RPL37A: variants seen among roughly 807,000 people sequenced by gnomAD.
RPL37A encodes the protein large ribosomal subunit protein eL43.
Under a neutral mutation model 13.6 loss-of-function variants are expected in RPL37A, and 5 were observed. That is an observed-to-expected ratio of 0.37 (90% CI 0.19 to 0.78). RPL37A has a LOEUF of 0.78. Among genes scored for constraint, RPL37A ranks in the 30% least tolerant of loss-of-function variants. RPL37A has a pLI of 0.49. For missense variants in RPL37A, 77 were observed against 120.0 expected, an observed-to-expected ratio of 0.64 and a Z score of 1.67; for synonymous variants, 50 against 44.4, an observed-to-expected ratio of 1.13 and a Z score of -0.50.
rs137960636 is a variant in RPL37A at position 216,499,290 on chromosome 2, C to T, written c.24C>T (p.Val8=). 0.03 allele frequency: 48,967 copies of T among 1,613,130 alleles called. 926 individuals carry two copies. Among genetic ancestry groups the T allele is most frequent in the Middle Eastern group, 0.077 (413 of 5,348 alleles). The change falls in exon 2 of 4, where the codon GTC becomes GTT. Residue 8 remains valine (V), a synonymous_variant. Coordinates refer to ENST00000491306, the MANE Select transcript of RPL37A (RefSeq NM_000998.5). MAKRTKK[V]GIVGKYGTRY... ...AACAGGCCAAACGTACCAAGAAAGT[C>T]GGGATCGTCGGTAAATACGGGACCC...
intron 2 of RPL37A, 193 bp from the exon 3 acceptor site, chr2:216,499,756 G>A: frequency 1.4e-6 from 1 of 707,368 alleles, no homozygotes; most frequent in Non-Finnish European, 2.6e-6. Context: ...GTTCTGCGAG[G>A]GATTTTTGTT....
At position 216,501,323 on chromosome 2, in the gene RPL37A, C is replaced by T. The variant is rs1553536872; in HGVS notation, c.216-18C>T. The T allele has an allele frequency of 6.2e-7, 1 of 1,606,958 alleles. No homozygotes were observed. The highest frequency in any genetic ancestry group is 8.5e-7 in the Non-Finnish European group (1 of 1,174,774). On this transcript the variant is annotated intron_variant, in intron 3 of 3. Coordinates refer to ENST00000491306, the MANE Select transcript of RPL37A (RefSeq NM_000998.5). ...TTAACATGCTTAATTATGTTGGAAA[C>T]TGAATCTTTCTTTCCAGTACCACTT...
At chr2:216,499,496 G>T in intron 2 of RPL37A, 98 bp downstream of exon 2, 1 of 1,425,898 alleles carries the variant, frequency 7.0e-7, no homozygotes, top group Non-Finnish European at 9.5e-7. Flanking sequence ...GTGTGCTGGT[G>T]GGCAGTTGGA....
rs1421632391 is a variant in RPL37A at position 216,501,903 on chromosome 2, A to T, written c.*499A>T. 6.5e-6 allele frequency: 1 copy of T among 154,144 alleles called. No homozygotes were observed. 9.5% of individuals were successfully genotyped at this position (154,144 alleles called of 1,614,324 possible). A position where few individuals can be genotyped will look rare whatever the true frequency, so the allele number is the denominator to read the frequency against. On this transcript the variant is annotated 3_prime_UTR_variant, in exon 4 of 4. Transcript: ENST00000491306. ...TGGCTAATTTTTGTATTTTGAGTAGAGATGGAGTTTTCACCACATTGGCCA... is the reference window on the plus strand; with the variant it reads ...TGGCTAATTTTTGTATTTTGAGTAGTGATGGAGTTTTCACCACATTGGCCA...
intron 1 of RPL37A, 122 bp from the exon 2 acceptor site, chr2:216,499,148 C>G: frequency 3.8e-6 from 5 of 1,308,630 alleles, no homozygotes; most frequent in Non-Finnish European, 5.3e-6. Flanking sequence ...TTAGGGAAAA[C>G]TAGGTCATAT....
intron 2 of RPL37A, 181 bp downstream of exon 2, chr2:216,499,579 T>A (rs949281495): frequency 2.5e-6 from 2 of 806,590 alleles, no homozygotes; most frequent in African/African-American, 1.7e-5. Context: ...TGAGACGTTT[T>A]TCATTTAAAG....
intron 1 of RPL37A, 105 bp downstream of exon 1, chr2:216,498,982 C>A: frequency 1.3e-6 from 2 of 1,499,528 alleles, no homozygotes; most frequent in Non-Finnish European, 1.9e-6. Flanking sequence ...GTGTTCTCTC[C>A]TGTCTCCATG....
In RPL37A at chr2:216,503,759, TGAAA is replaced by T. The variant is rs1695636089; in HGVS notation, c.*2357_*2360del. 2 of 152,130 alleles carry T rather than the reference TGAAA, an allele frequency of 1.3e-5. No homozygotes were observed. Among genetic ancestry groups the T allele is most frequent in the South Asian group, 4.1e-4 (2 of 4,824 alleles). The allele number at this position is 152,130 out of a possible 1,614,324, so 9.4% of individuals were successfully genotyped here. On this transcript the variant is annotated 3_prime_UTR_variant, in exon 4 of 4. Transcript: ENST00000491306. The stretch of plus-strand genomic sequence containing the variant: ...GGGCGGGGGACAGTTTACAGACCAG[TGAAA>T]GTGCTGAGATAAATATTTTTATACC...
intron 1 of RPL37A, 25 bp from the exon 2 acceptor site, chr2:216,499,245 T>G (rs1188173515): frequency 6.2e-7 from 1 of 1,605,734 alleles, no homozygotes; most frequent in Non-Finnish European, 8.5e-7. Context: ...GGTCTATCAC[T>G]GGTTTCTCCC....
At position 216,502,063 on chromosome 2, in the gene RPL37A, AC is replaced by A. The variant is rs984338263; in HGVS notation, c.*660del. ...GTGTCTAGGCTGGGTGCGGTGACTC[AC>A]GCCTGAAATCCCAGCACTTTGGGTG... On this transcript the variant is annotated 3_prime_UTR_variant, in exon 4 of 4. Coordinates refer to ENST00000491306, the MANE Select transcript of RPL37A (RefSeq NM_000998.5). 6.6e-6 allele frequency: 1 copy of A among 152,102 alleles called. No homozygotes were observed. Among genetic ancestry groups the A allele is most frequent in the African/African-American group, 2.4e-5 (1 of 41,418 alleles). The allele number at this position is 152,102 out of a possible 1,614,324, so 9.4% of individuals were successfully genotyped here. A position where few individuals can be genotyped will look rare whatever the true frequency, so the allele number is the denominator to read the frequency against.
chr2:216,498,883 T>G lies in RPL37A; in HGVS notation c.3+6T>G. On this transcript the variant is annotated splice_donor_region_variant and intron_variant, in intron 1 of 3. Transcript: ENST00000491306. ...ACCTAGGTCGCGGCGACATGGTGAG[T>G]GTGGGTCTCTGTGCGGCCTAGAACT... 6.2e-7 allele frequency: 1 copy of G among 1,613,936 alleles called. No homozygotes were observed. Among genetic ancestry groups the G allele is most frequent in the African/African-American group, 1.3e-5 (1 of 74,998 alleles).
chr2:216,501,157 CT>C (rs1695593979), intron 3 of RPL37A, 183 bp from the exon 4 acceptor site: 2 of 515,932 alleles, frequency 3.9e-6, no homozygotes, highest in South Asian at 5.2e-5. Context: ...GAGGAGTAAT[CT>C]AATGTTGGTT....
chr2:216,501,640 C>T lies in RPL37A; in HGVS notation c.*236C>T, dbSNP rs1695601296. 2 of 366,758 alleles carry T rather than the reference C, an allele frequency of 5.5e-6. No homozygotes were observed. The highest frequency in any genetic ancestry group is 9.8e-6 in the Non-Finnish European group (2 of 203,280). 22.7% of individuals were successfully genotyped at this position (366,758 alleles called of 1,614,324 possible). A position where few individuals can be genotyped will look rare whatever the true frequency, so the allele number is the denominator to read the frequency against. ...CTTCCAAGTTAGATATGAGTGTTAG[C>T]TTTTTATAAGTCTGCTCCTGCCAGT... On this transcript the variant is annotated 3_prime_UTR_variant, in exon 4 of 4. Transcript: ENST00000491306.
At chr2:216,498,898 G>C (rs774829500) in intron 1 of RPL37A, 21 bp downstream of exon 1, 4 of 1,613,854 alleles carry the variant, frequency 2.5e-6, no homozygotes, top group Non-Finnish European at 3.4e-6. Context: ...GTCTCTGTGC[G>C]GCCTAGAACT....
At chr2:216,500,448 A>G (rs1444228256) in intron 3 of RPL37A, 1 of 226,298 alleles carries the variant, frequency 4.4e-6, no homozygotes, top group Admixed American at 5.2e-5. Flanking sequence ...CTTTCTGAAC[A>G]GTATTAGACT....
chr2:216,499,167 C>T, intron 1 of RPL37A, 103 bp from the exon 2 acceptor site: 3 of 1,382,894 alleles, frequency 2.2e-6, no homozygotes, highest in Non-Finnish European at 3.0e-6. Context: ...ATGTAATTCA[C>T]ATGTCGGTCA....
intron 3 of RPL37A, chr2:216,500,243 C>T: frequency 1.7e-6 from 1 of 589,492 alleles, no homozygotes; most frequent in Non-Finnish European, 3.0e-6. Context: ...ATCTAATTCA[C>T]AGACTACTTT....
chr2:216,498,989 C>T (rs1466687854), intron 1 of RPL37A, 112 bp downstream of exon 1: 10 of 1,476,606 alleles, frequency 6.8e-6, no homozygotes, highest in East Asian at 4.6e-5. Flanking sequence ...CTCCTGTCTC[C>T]ATGCCTTTGC....
At chr2:216,500,246 A>G (rs1695576545) in intron 3 of RPL37A, 1 of 586,048 alleles carries the variant, frequency 1.7e-6, no homozygotes, top group Non-Finnish European at 3.0e-6. Context: ...TAATTCACAG[A>G]CTACTTTAGA....
Sources: gnomAD v4.1 joint callset for allele counts on GRCh38, gnomAD v4.1.1 for gene constraint, MANE v1.5 for transcripts, NCBI Gene and HGNC (gene_info 2026-07-23, HGNC 2026-07-21) for gene names.